Variants in IL1RL1 observed in about 807,000 individuals in gnomAD.
IL1RL1 encodes the protein interleukin 1 receptor like 1, also known as interleukin-1 receptor-like 1.
Under a neutral mutation model 50.9 loss-of-function variants are expected in IL1RL1, and 32 were observed. The ratio of observed to expected loss-of-function variants is 0.63; its 90% confidence interval spans 0.47 to 0.84. The LOEUF (loss-of-function observed/expected upper bound fraction) is 0.84, where lower values mean the gene tolerates loss of function less well. Ranked by LOEUF, IL1RL1 falls within the 40% of genes least tolerant of loss-of-function variation. The probability of loss-of-function intolerance (pLI) is 0.00; values close to 1 mark genes in which losing one functional copy is unlikely to be tolerated. For missense variants in IL1RL1, 773 were observed against 662.9 expected, an observed-to-expected ratio of 1.17 and a Z score of -1.82; for synonymous variants, 275 against 236.0, an observed-to-expected ratio of 1.17 and a Z score of -1.51.
chr2:102,345,573 G>C (rs1278911689), intron 8 of IL1RL1: 2 of 985,386 alleles, frequency 2.0e-6, no homozygotes, highest in African/African-American at 1.7e-5. Flanking sequence ...GGAGGAGAAA[G>C]GATAGGGGTG....
chr2:102,333,255 G>T (rs1290941191), intron 1 of IL1RL1, among the ~76,000 whole-genome samples: 1 of 152,192 alleles, frequency 6.6e-6, no homozygotes, highest in East Asian at 1.9e-4. Flanking sequence ...AAATCCAAGT[G>T]AGAGACCATG....
intron 1 of IL1RL1, among the ~76,000 whole-genome samples, chr2:102,337,667 G>C (rs1019424935): frequency 6.6e-6 from 1 of 152,126 alleles, no homozygotes; most frequent in Non-Finnish European, 1.5e-5. Flanking sequence ...CTACTCCTTA[G>C]TTGCTTTGTG....
chr2:102,338,970 G>A lies in IL1RL1; in HGVS notation c.195G>A (p.Val65=), dbSNP rs752276230. 1.5e-5 allele frequency: 25 copies of A among 1,613,866 alleles called. No homozygotes were observed. Among genetic ancestry groups the A allele is most frequent in the Middle Eastern group, 1.6e-4 (1 of 6,082 alleles). ...TTCCCACTCAGGAAAGAAATCGTGT[G>A]TTTGCCTCAGGCCAACTTCTGAAGT... ...KSIPTQERNR[V]FASGQLLKFL... The change falls in exon 3 of 11, where the codon GTG becomes GTA. Residue 65 remains valine (V), a synonymous_variant. Transcript: ENST00000233954.
At chr2:102,325,454 T>C (rs1318404677) in intron 1 of IL1RL1, among the ~76,000 whole-genome samples, 1 of 152,088 alleles carries the variant, frequency 6.6e-6, no homozygotes, top group African/African-American at 2.4e-5. Context: ...CCCCTCCTCC[T>C]CCAGAGGAAC....
At position 102,338,276 on chromosome 2, in the gene IL1RL1, G is replaced by C. The variant is rs1356759799; in HGVS notation, c.12G>C (p.Trp4Cys). 6.2e-6 allele frequency: 10 copies of C among 1,606,298 alleles called. No homozygotes were observed. The highest frequency in any genetic ancestry group is 3.4e-5 in the Admixed American group (2 of 59,628). MGFWILAILTILMY... is the reference protein window; with the variant it reads MGFCILAILTILMY... ...GATTGATAAACAGAATGGGGTTTTGGATCTTAGCAATTCTCACAATTCTCA... is the reference window on the plus strand; with the variant it reads ...GATTGATAAACAGAATGGGGTTTTGCATCTTAGCAATTCTCACAATTCTCA... The change falls in exon 2 of 11, where the codon TGG (tryptophan) becomes TGC (cysteine). Residue 4 changes from tryptophan to cysteine, a missense_variant. By Grantham distance (215) the Trp-to-Cys change is radical. Coordinates refer to ENST00000233954, the MANE Select transcript of IL1RL1 (RefSeq NM_016232.5).
intron 1 of IL1RL1, among the ~76,000 whole-genome samples, chr2:102,325,696 G>A (rs948395405): frequency 2.6e-5 from 4 of 152,218 alleles, no homozygotes; most frequent in East Asian, 1.9e-4. Flanking sequence ...CGAGAACTAC[G>A]TGATGAATGC....
intron 1 of IL1RL1, among the ~76,000 whole-genome samples, chr2:102,329,747 A>G (rs982107428): frequency 6.6e-6 from 1 of 152,262 alleles, no homozygotes; most frequent in African/African-American, 2.4e-5. Context: ...ATTGCTCATC[A>G]TCACTGGCCA....
intron 8 of IL1RL1, chr2:102,344,090 C>A: frequency 4.9e-6 from 1 of 205,174 alleles, no homozygotes; most frequent in Non-Finnish European, 8.6e-6. Context: ...GAGCTTTACT[C>A]ATGGCAGAAG....
chr2:102,318,413 G>T (rs1031481888), intron 1 of IL1RL1, among the ~76,000 whole-genome samples: 1 of 148,836 alleles, frequency 6.7e-6, no homozygotes, highest in Non-Finnish European at 1.5e-5. Flanking sequence ...AGATGAAGTT[G>T]CCATCAACCA....
intron 1 of IL1RL1, among the ~76,000 whole-genome samples, chr2:102,315,718 G>C (rs1050258179): frequency 6.6e-6 from 1 of 152,120 alleles, no homozygotes; most frequent in Non-Finnish European, 1.5e-5. Flanking sequence ...GCCAGATCAC[G>C]AACGTACACA....
chr2:102,330,354 G>A (rs546848452), intron 1 of IL1RL1, among the ~76,000 whole-genome samples: 90 of 144,786 alleles, frequency 6.2e-4, no homozygotes, highest in African/African-American at 2.2e-3. Flanking sequence ...GTGGGGGGAG[G>A]GGGGAGGCAT....
intron 1 of IL1RL1, among the ~76,000 whole-genome samples, chr2:102,322,417 A>G (rs1676861909): frequency 6.6e-6 from 1 of 152,212 alleles, no homozygotes. Flanking sequence ...CGAAACCAGA[A>G]TTATTCACAG....
intron 1 of IL1RL1, among the ~76,000 whole-genome samples, chr2:102,325,132 T>A (rs1311110591): frequency 2.0e-5 from 3 of 152,082 alleles, no homozygotes; most frequent in Non-Finnish European, 4.4e-5. Context: ...CTCACACAGC[T>A]GGGTACTCCT....
intron 8 of IL1RL1, chr2:102,346,126 T>G (rs1559607146): frequency 1.1e-6 from 1 of 901,554 alleles, no homozygotes; most frequent in Middle Eastern, 5.7e-4. Context: ...GAATTCTTTT[T>G]TATTTCTGAA....
At chr2:102,316,385 G>C (rs921763776) in intron 1 of IL1RL1, among the ~76,000 whole-genome samples, 10 of 151,936 alleles carry the variant, frequency 6.6e-5, no homozygotes, top group African/African-American at 2.4e-4. Flanking sequence ...ATGTAATCTG[G>C]TGGGCATAGA....
intron 1 of IL1RL1, among the ~76,000 whole-genome samples, chr2:102,325,181 AT>A (rs199847324): frequency 0.028 from 4,229 of 152,218 alleles, 176 homozygotes; most frequent in African/African-American, 0.096. Context: ...AGGCAGCAAC[AT>A]TTGCTGTTCA....
intron 2 of IL1RL1, among the ~76,000 whole-genome samples, 196 bp from the exon 3 acceptor site, chr2:102,338,641 A>G (rs895691308): frequency 6.6e-6 from 1 of 152,204 alleles, no homozygotes; most frequent in African/African-American, 2.4e-5. Flanking sequence ...TCCATTGGAT[A>G]ACTGTGGGGG....
intron 5 of IL1RL1, chr2:102,341,364 C>A: frequency 2.5e-6 from 3 of 1,186,266 alleles, no homozygotes; most frequent in African/African-American, 1.6e-5. Flanking sequence ...TTGAGTAAGT[C>A]ACTTCATTCT....
rs570518831 is a variant in IL1RL1 at position 102,313,591 on chromosome 2, T to C, written c.-150+1968T>C. Among the ~76,000 whole-genome samples the C allele has an allele frequency of 3.3e-5, 5 of 152,310 alleles. No individual in the cohort carries two copies. In the South Asian group the frequency reaches 6.2e-4, roughly 19 times the overall value. On this transcript the variant is annotated intron_variant, in intron 1 of 10. Transcript: ENST00000233954. Reference sequence around the variant, plus strand: ...TCCTCTATGTCCTTTAAAATATTTGTCCTATAATCACAAGGGTTTATATTT... The same window carrying C: ...TCCTCTATGTCCTTTAAAATATTTGCCCTATAATCACAAGGGTTTATATTT...
Sources: gnomAD v4.1 joint callset for allele counts (sites outside exome capture counted in the v4.1 genomes callset) on GRCh38, gnomAD v4.1.1 for gene constraint, MANE v1.5 for transcripts, NCBI Gene and HGNC (gene_info 2026-07-23, HGNC 2026-07-21) for gene names.